RBM25: variants seen among roughly 807,000 people sequenced by gnomAD.
RBM25 encodes the protein RNA-binding protein 25.
RBM25 carries 19 observed loss-of-function variants against 120.7 expected under a neutral mutation model. The ratio of observed to expected loss-of-function variants is 0.16; its 90% CI spans 0.11 to 0.23. RBM25 has a LOEUF of 0.23. RBM25 is among the 10% of genes least tolerant of loss of function. The pLI is 1.00. For missense variants in RBM25, 605 were observed against 1,041.5 expected (o/e 0.58, Z 5.77); for synonymous variants, 390 against 326.7 (o/e 1.19, Z -2.09).
chr14:73,078,743 T>A (rs1371213044), intron 4 of RBM25, among the ~76,000 whole-genome samples: 3 of 152,178 alleles, frequency 2.0e-5, no homozygotes, highest in African/African-American at 7.2e-5. Context: ...TAGCTGGGAT[T>A]ACAGGCGCGT....
At chr14:73,086,030 G>T (rs1895676950) in intron 5 of RBM25, among the ~76,000 whole-genome samples, 1 of 151,400 alleles carries the variant, frequency 6.6e-6, no homozygotes, top group Non-Finnish European at 1.5e-5. Context: ...TTGTTATCTG[G>T]TATGACAATT....
Position 73,103,475 on chromosome 14 carries a change from C to A in RBM25, c.1151C>A (p.Ser384Ter). ...SSDRNKDRSR[S>*]REKSRDRERE... is the part of the protein sequence containing the mutation. ...GATCGTAATAAGGATCGCAGTCGAT[C>A]AAGGTAAGGCTTTACAGAAGTTACT... Residue 384 changes from serine to a stop codon, truncating the protein, a stop_gained, in exon 10 of 19, where the codon TCA (serine) becomes TAA (stop). Transcript: ENST00000261973. LOFTEE classifies it high-confidence loss of function. 1 of 1,576,998 alleles carries A rather than the reference C, an allele frequency of 6.3e-7. No homozygotes were observed.
At chr14:73,094,297 G>A (rs1895886836) in intron 6 of RBM25, among the ~76,000 whole-genome samples, 1 of 147,904 alleles carries the variant, frequency 6.8e-6, no homozygotes, top group South Asian at 2.1e-4. Context: ...TTAAATATTA[G>A]CAATCAGTTA....
intron 15 of RBM25, 126 bp downstream of exon 15, chr14:73,111,281 C>A: frequency 1.1e-6 from 1 of 917,356 alleles, no homozygotes; most frequent in Non-Finnish European, 1.6e-6. Flanking sequence ...CTAAAAAATG[C>A]CTTTCTAGCT....
chr14:73,088,453 A>G, intron 6 of RBM25: 3 of 520,542 alleles, frequency 5.8e-6, no homozygotes, highest in Non-Finnish European at 1.1e-5. Flanking sequence ...AACAGAGCTA[A>G]TTCATTAAGG....
At chr14:73,082,055 ACT>A (rs1895575610) in intron 4 of RBM25, among the ~76,000 whole-genome samples, 3 of 149,994 alleles carry the variant, frequency 2.0e-5, no homozygotes, top group Admixed American at 1.3e-4. Flanking sequence ...TTCTTCAGGA[ACT>A]CTGTTTGGAT....
chr14:73,084,719 A>C (rs993087104), intron 5 of RBM25, among the ~76,000 whole-genome samples: 2 of 151,298 alleles, frequency 1.3e-5, no homozygotes, highest in South Asian at 2.1e-4. Flanking sequence ...TGCCCGGCTA[A>C]TTTTTTATTT....
At chr14:73,109,690 G>A (rs1896266213) in intron 14 of RBM25, among the ~76,000 whole-genome samples, 198 bp downstream of exon 14, 1 of 151,992 alleles carries the variant, frequency 6.6e-6, no homozygotes, top group Non-Finnish European at 1.5e-5. Context: ...CTACTCGGGA[G>A]GCCGAGGCAG....
chr14:73,086,970 G>A (rs1895700720), intron 5 of RBM25, among the ~76,000 whole-genome samples: 1 of 152,230 alleles, frequency 6.6e-6, no homozygotes, highest in Non-Finnish European at 1.5e-5. Flanking sequence ...CTCCCAGAGT[G>A]CTGGGATTAC....
intron 3 of RBM25, among the ~76,000 whole-genome samples, chr14:73,076,646 G>T (rs1594903499): frequency 6.6e-6 from 1 of 152,106 alleles, no homozygotes; most frequent in Non-Finnish European, 1.5e-5. Flanking sequence ...ACAAATTTAG[G>T]ACTTTGGCTC....
chr14:73,078,757 A>C (rs1045047732), intron 4 of RBM25, among the ~76,000 whole-genome samples: 1 of 152,184 alleles, frequency 6.6e-6, no homozygotes, highest in Non-Finnish European at 1.5e-5. Flanking sequence ...GGCGCGTGCC[A>C]TGACACCTGG....
chr14:73,088,976 A>G (rs1023467356), intron 6 of RBM25, among the ~76,000 whole-genome samples: 1 of 152,128 alleles, frequency 6.6e-6, no homozygotes, highest in Non-Finnish European at 1.5e-5. Flanking sequence ...CCCTGTCTCT[A>G]CTAAAAATAC....
At chr14:73,097,364 C>A (rs77688607) in intron 7 of RBM25, among the ~76,000 whole-genome samples, 1 of 151,948 alleles carries the variant, frequency 6.6e-6, no homozygotes, top group African/African-American at 2.4e-5. Context: ...CCATGCCCGG[C>A]TAATTTTTTG....
At chr14:73,119,600 G>A in intron 18 of RBM25, 113 bp from the exon 19 acceptor site, 1 of 1,531,836 alleles carries the variant, frequency 6.5e-7, no homozygotes, top group Non-Finnish European at 8.8e-7. Context: ...TAGCATTTAA[G>A]TAATAAGTGC....
chr14:73,063,672 C>T lies in RBM25; in HGVS notation c.-16+4967C>T, dbSNP rs77077799. Reference sequence around the variant, plus strand: ...CTTGATAGCACTTTCACCACTACCACCTGTTCCAGGCCACCATCTCTCCAG... The same window carrying T: ...CTTGATAGCACTTTCACCACTACCATCTGTTCCAGGCCACCATCTCTCCAG... On this transcript the variant is annotated intron_variant, in intron 1 of 18. Transcript: ENST00000261973. 6.2e-3 allele frequency among the ~76,000 whole-genome samples: 934 copies of T among 151,364 alleles called. 24 individuals carry two copies. The highest frequency in any genetic ancestry group is 0.021 in the African/African-American group (884 of 41,442).
In RBM25 at chr14:73,096,955, C is replaced by A; in HGVS notation, c.584C>A (p.Ala195Asp). Residue 195 changes from alanine to aspartate, a missense_variant, in exon 7 of 19, where the codon GCC becomes GAC. Around this residue, in one of 4 missense-constraint regions of RBM25, gnomAD observed 465 missense variants for 741.6 expected, o/e 0.63. Coordinates refer to ENST00000261973, the MANE Select transcript of RBM25 (RefSeq NM_021239.3). ...PETVTNDDEE[A>D]LDEETKRRDQ... ...ACTGTCACTAATGACGATGAAGAAG[C>A]CTTGGATGAAGAAACAAAGAGGAGA... The A allele has an allele frequency of 2.5e-6, 4 of 1,612,862 alleles. No homozygotes were observed. The highest frequency in any genetic ancestry group is 3.4e-6 in the Non-Finnish European group (4 of 1,179,624).
intron 6 of RBM25, among the ~76,000 whole-genome samples, chr14:73,094,988 C>T (rs533919708): frequency 6.6e-6 from 1 of 151,700 alleles, no homozygotes; most frequent in African/African-American, 2.4e-5. Flanking sequence ...TCCTGAATAG[C>T]TGAGATTACA....
intron 4 of RBM25, among the ~76,000 whole-genome samples, chr14:73,078,496 T>C (rs1301387616): frequency 2.6e-5 from 4 of 152,098 alleles, no homozygotes; most frequent in Non-Finnish European, 2.9e-5. Flanking sequence ...CAAAAAAATA[T>C]ATAAAATTGA....
chr14:73,114,208 A>C, intron 17 of RBM25, 78 bp from the exon 18 acceptor site: 13 of 1,035,026 alleles, frequency 1.3e-5, no homozygotes. Context: ...GAATTTGAGG[A>C]TTCATACCTT....
Sources: gnomAD v4.1 joint callset for allele counts (sites outside exome capture counted in the v4.1 genomes callset) on GRCh38, gnomAD v4.1.1 for gene constraint, gnomAD v4.1.1 regional missense constraint, MANE v1.5 for transcripts, NCBI Gene and HGNC (gene_info 2026-07-23, HGNC 2026-07-21) for gene names.